FRMPD4: variants seen among roughly 807,000 people sequenced by gnomAD.
The protein encoded by FRMPD4 is FERM and PDZ domain-containing protein 4.
Under a neutral mutation model 94.1 loss-of-function variants are expected in FRMPD4, and 22 were observed. That is an observed-to-expected ratio of 0.23 (90% confidence interval 0.17 to 0.33). The LOEUF (loss-of-function observed/expected upper bound fraction) is 0.33. FRMPD4 is among the 10% of genes least tolerant of loss of function. The probability of loss-of-function intolerance (pLI) is 1.00; values close to 1 mark genes in which losing one functional copy is unlikely to be tolerated. For synonymous variants in FRMPD4, 631 were observed against 548.6 expected (o/e 1.15, Z -2.10); for missense variants, 1,111 against 1,339.9 (o/e 0.83, Z 2.67).
chrX:12,093,310 A>G (rs2055170548), intron 3 of FRMPD4, among the ~76,000 whole-genome samples: 1 of 111,448 alleles, frequency 9.0e-6, no homozygotes, highest in African/African-American at 3.3e-5. Flanking sequence ...TGTCCATTCT[A>G]CAGGAAGAAG....
chrX:12,450,566 A>C (rs1414750411), intron 1 of FRMPD4, among the ~76,000 whole-genome samples: 1 of 111,474 alleles, frequency 9.0e-6, no homozygotes, highest in East Asian at 2.8e-4. Context: ...TTTTCACTGC[A>C]ATATCATTGC....
At chrX:12,384,388 T>C (rs1222776653) in intron 1 of FRMPD4, among the ~76,000 whole-genome samples, 1 of 111,565 alleles carries the variant, frequency 9.0e-6, no homozygotes, top group Non-Finnish European at 1.9e-5. Context: ...CGTGATAGCC[T>C]GCACTTGCAG....
At chrX:11,837,388 T>C (rs2053507018) in intron 1 of FRMPD4, among the ~76,000 whole-genome samples, 1 of 111,769 alleles carries the variant, frequency 8.9e-6, no homozygotes, top group African/African-American at 3.2e-5. Flanking sequence ...GGAATGTCCT[T>C]ATATTCAGTT....
rs990986858 is a variant in FRMPD4 at position 12,210,601 on chromosome X, G to C, written c.41+71589G>C. Among the ~76,000 whole-genome samples, 36 of 111,020 alleles carry C rather than the reference G, an allele frequency of 3.2e-4. 1 individual carries two copies. Among genetic ancestry groups the C allele is most frequent in the African/African-American group, 1.0e-3 (31 of 30,507 alleles). On this transcript the variant is annotated intron_variant, in intron 1 of 16. Coordinates refer to ENST00000675598, the MANE Select transcript of FRMPD4 (RefSeq NM_001368397.1). ...TCTTCATCTTGTACAAAACACAAAG[G>C]GGGAGTAGCTTCTTAACTTACATTT...
chrX:12,461,413 T>C (rs888838227), intron 1 of FRMPD4, among the ~76,000 whole-genome samples: 1 of 112,220 alleles, frequency 8.9e-6, no homozygotes, highest in Non-Finnish European at 1.9e-5. Context: ...TTCAAGATAC[T>C]GATTCTCTGC....
chrX:12,659,329 G>A (rs2059691586), intron 4 of FRMPD4, among the ~76,000 whole-genome samples: 1 of 112,856 alleles, frequency 8.9e-6, no homozygotes, highest in African/African-American at 3.2e-5. Flanking sequence ...TATACATATG[G>A]TGGTATTTGT....
intron 2 of FRMPD4, among the ~76,000 whole-genome samples, chrX:11,869,018 T>C (rs1051816488): frequency 3.6e-5 from 4 of 112,138 alleles, no homozygotes; most frequent in Non-Finnish European, 7.5e-5. Context: ...TGATTTTTTT[T>C]TGTTTCTAAA....
chrX:12,366,721 G>C (rs1198353165), intron 1 of FRMPD4, among the ~76,000 whole-genome samples: 1 of 112,114 alleles, frequency 8.9e-6, no homozygotes, highest in African/African-American at 3.2e-5. Context: ...TCTTAGGAGA[G>C]AGGCATTGGA....
chrX:12,425,687 C>A (rs2056937360), intron 1 of FRMPD4, among the ~76,000 whole-genome samples: 1 of 111,589 alleles, frequency 9.0e-6, no homozygotes. Flanking sequence ...GCTAAACATC[C>A]TACAATGCAT....
At chrX:11,953,479 C>T (rs780513940) in intron 3 of FRMPD4, among the ~76,000 whole-genome samples, 33 of 109,831 alleles carry the variant, frequency 3.0e-4, no homozygotes, top group African/African-American at 1.1e-3. Context: ...CCTAGATTTC[C>T]ATTATCAAAT....
intron 1 of FRMPD4, among the ~76,000 whole-genome samples, chrX:12,351,016 A>G (rs771591458): frequency 9.0e-6 from 1 of 111,349 alleles, no homozygotes; most frequent in African/African-American, 3.3e-5. Context: ...TCTACTAAAA[A>G]TACAAAAATT....
chrX:12,601,553 C>T (rs894638697), intron 2 of FRMPD4, among the ~76,000 whole-genome samples: 4 of 111,641 alleles, frequency 3.6e-5, no homozygotes, highest in Admixed American at 1.9e-4. Context: ...CTCCCATCTT[C>T]GTTCCAACAA....
At chrX:12,708,560 G>A (rs1465869255) in intron 13 of FRMPD4, among the ~76,000 whole-genome samples, 4 of 111,357 alleles carry the variant, frequency 3.6e-5, no homozygotes, top group Non-Finnish European at 7.5e-5. Context: ...CAGGTTCCTG[G>A]TCTCCACCTT....
chrX:12,052,299 T>C (rs1208225147), intron 3 of FRMPD4, among the ~76,000 whole-genome samples: 1 of 111,822 alleles, frequency 8.9e-6, no homozygotes, highest in Non-Finnish European at 1.9e-5. Context: ...AAGTGTTTCT[T>C]GTGGTCATTA....
intron 9 of FRMPD4, among the ~76,000 whole-genome samples, chrX:12,696,586 C>CAAAAAAAAAAAAAAAAAAAAAAATGAAGA (rs57877846): frequency 3.3e-5 from 1 of 30,059 alleles, no homozygotes; most frequent in East Asian, 1.2e-3. Flanking sequence ...AAAAATGAAG[C>CAAAAAAAAAAAAAAAAAAAAAAATGAAGA]AAAAAAAAAA....
chrX:12,377,804 T>C (rs747265736), intron 1 of FRMPD4, among the ~76,000 whole-genome samples: 21 of 112,643 alleles, frequency 1.9e-4, no homozygotes, highest in Non-Finnish European at 3.8e-4. Context: ...AGCCCTGTAA[T>C]AAAAGCTCCT....
At chrX:12,009,407 T>C (rs921125566) in intron 3 of FRMPD4, among the ~76,000 whole-genome samples, 1 of 112,501 alleles carries the variant, frequency 8.9e-6, no homozygotes, top group Non-Finnish European at 1.9e-5. Flanking sequence ...TCCTTACAAA[T>C]ATTGTTTAAA....
chrX:12,704,581 A>G (rs2041843207), intron 11 of FRMPD4, 96 bp downstream of exon 11: 1 of 595,410 alleles, frequency 1.7e-6, no homozygotes, highest in African/African-American at 2.3e-5. Context: ...AATACTTAGT[A>G]CCATATTTTC....
intron 1 of FRMPD4, among the ~76,000 whole-genome samples, chrX:12,367,897 G>A (rs2056107959): frequency 1.8e-5 from 2 of 111,810 alleles, no homozygotes; most frequent in Admixed American, 1.9e-4. Context: ...TTCTTAGGAG[G>A]CTTGCATACC....
Sources: allele counts gnomAD v4.1 joint callset (sites outside exome capture counted in the v4.1 genomes callset), GRCh38; gene constraint gnomAD v4.1.1; transcripts MANE v1.5; gene names NCBI Gene and HGNC (gene_info 2026-07-23, HGNC 2026-07-21).